PDE1C: variants seen among roughly 807,000 people sequenced by gnomAD.
PDE1C encodes the protein dual specificity calcium/calmodulin-dependent 3',5'-cyclic nucleotide phosphodiesterase 1C.
In PDE1C, 62 loss-of-function variants were observed where a neutral mutation model predicts 93.1. The ratio of observed to expected loss-of-function variants is 0.67; its 90% CI spans 0.54 to 0.82. PDE1C has a LOEUF of 0.82. Among genes scored for constraint, PDE1C ranks in the 40% least tolerant of loss-of-function variants. The probability of loss-of-function intolerance (pLI) is 0.00; values close to 1 mark genes in which losing one functional copy is unlikely to be tolerated. For missense variants in PDE1C, 742 were observed against 884.6 expected, an observed-to-expected ratio of 0.84 and a Z score of 2.04; for synonymous variants, 325 against 310.1, an observed-to-expected ratio of 1.05 and a Z score of -0.50.
intron 1 of PDE1C, among the ~76,000 whole-genome samples, chr7:32,225,266 C>T (rs775111485): frequency 2.0e-5 from 3 of 152,052 alleles, no homozygotes; most frequent in Non-Finnish European, 4.4e-5. Flanking sequence ...ATGGACGCAC[C>T]TGATTGGTTT....
At chr7:31,797,660 C>T (rs1584135865) in intron 16 of PDE1C, among the ~76,000 whole-genome samples, 1 of 151,814 alleles carries the variant, frequency 6.6e-6, no homozygotes, top group East Asian at 1.9e-4. Context: ...GCCTATTTTA[C>T]ACATCACATG....
intron 8 of PDE1C, 69 bp downstream of exon 8, chr7:31,850,572 C>A: frequency 9.7e-7 from 1 of 1,028,594 alleles, no homozygotes; most frequent in African/African-American, 1.6e-5. Flanking sequence ...GTGACTAACA[C>A]CTTTCTGATT....
intron 2 of PDE1C, among the ~76,000 whole-genome samples, chr7:31,916,413 C>A (rs1801920314): frequency 1.3e-5 from 2 of 152,028 alleles, no homozygotes; most frequent in Non-Finnish European, 2.9e-5. Context: ...AAAGTAAGAC[C>A]ACAGAAACCA....
chr7:31,658,163 A>C, the PDE1C span: 13 of 896,490 alleles, frequency 1.5e-5, no homozygotes, highest in Admixed American at 3.0e-5. Flanking sequence ...GTGTATGCAT[A>C]GGCCATGTAG....
intron 2 of PDE1C, among the ~76,000 whole-genome samples, chr7:31,948,383 T>C (rs1806909736): frequency 6.6e-6 from 1 of 152,204 alleles, no homozygotes; most frequent in African/African-American, 2.4e-5. Flanking sequence ...ATAGTTCAGC[T>C]TCCCTTTAAC....
chr7:31,880,821 A>C lies in PDE1C; in HGVS notation c.168T>G (p.Ala56=), dbSNP rs1299474132. 1 of 1,611,798 alleles carries C rather than the reference A, an allele frequency of 6.2e-7. No individual in the cohort carries two copies. The highest frequency in any genetic ancestry group is 1.3e-5 in the African/African-American group (1 of 75,036). The stretch of plus-strand genomic sequence containing the variant: ...AATTCTTCTTAAGATCTACCACTGA[A>C]GCTTCCCCTCTCTCTAATTGTTTGA... ...SLVKQLERGE[A]SVVDLKKNLE... Residue 56 remains alanine, a synonymous_variant, in exon 3 of 18, where the codon GCT becomes GCG. Coordinates refer to ENST00000396191, the MANE Select transcript of PDE1C (RefSeq NM_001191057.4).
chr7:31,918,780 A>G (rs1802250089), intron 2 of PDE1C, among the ~76,000 whole-genome samples: 1 of 152,114 alleles, frequency 6.6e-6, no homozygotes, highest in African/African-American at 2.4e-5. Flanking sequence ...CTGTCACATA[A>G]AACGGTTTCA....
chr7:32,101,928 A>C (rs1798060284), intron 3 of PDE1C, among the ~76,000 whole-genome samples: 1 of 152,112 alleles, frequency 6.6e-6, no homozygotes, highest in South Asian at 2.1e-4. Context: ...ATGGCAATAG[A>C]GTGAGTGAGG....
chr7:32,253,518 T>C (rs1456383525), intron 1 of PDE1C, among the ~76,000 whole-genome samples: 1 of 152,196 alleles, frequency 6.6e-6, no homozygotes, highest in Middle Eastern at 3.2e-3. Flanking sequence ...TAGCCTGTTC[T>C]TTTCACTGCT....
chr7:31,768,475 A>G (rs1467677512), intron 17 of PDE1C, among the ~76,000 whole-genome samples: 1 of 152,188 alleles, frequency 6.6e-6, no homozygotes, highest in African/African-American at 2.4e-5. Context: ...ATTTGGTGGG[A>G]ACACAAATAT....
intron 2 of PDE1C, among the ~76,000 whole-genome samples, chr7:32,170,287 G>A (rs548109149): frequency 6.6e-6 from 1 of 152,010 alleles, no homozygotes; most frequent in South Asian, 2.1e-4. Flanking sequence ...ACCATTTTAG[G>A]GAACTGTGAG....
At chr7:32,069,080 T>C (rs1029340971) in intron 1 of PDE1C, among the ~76,000 whole-genome samples, 6 of 152,186 alleles carry the variant, frequency 3.9e-5, no homozygotes, top group East Asian at 3.8e-4. Flanking sequence ...AATCAAATTA[T>C]TTGGCATGGT....
intron 3 of PDE1C, among the ~76,000 whole-genome samples, chr7:32,160,405 C>T (rs558456335): frequency 6.6e-6 from 1 of 152,328 alleles, no homozygotes; most frequent in East Asian, 1.9e-4. Context: ...GACAAAGTTG[C>T]AGCCCTGTTA....
At chr7:32,339,252 T>A (rs1783696376) in intron 1 of PDE1C, among the ~76,000 whole-genome samples, 1 of 152,138 alleles carries the variant, frequency 6.6e-6, no homozygotes, top group South Asian at 2.1e-4. Context: ...TTTAAAAAAA[T>A]TTAAAAGTCA....
chr7:32,329,050 G>T (rs888806254), intron 1 of PDE1C, among the ~76,000 whole-genome samples: 1 of 152,038 alleles, frequency 6.6e-6, no homozygotes, highest in Admixed American at 6.6e-5. Flanking sequence ...TGGGCAACAC[G>T]GCAAAACCTT....
chr7:31,868,700 T>C (rs996225513), intron 6 of PDE1C, among the ~76,000 whole-genome samples: 2 of 151,892 alleles, frequency 1.3e-5, no homozygotes, highest in African/African-American at 4.8e-5. Flanking sequence ...AGCTCAAAGA[T>C]TCCCAAACAG....
intron 2 of PDE1C, among the ~76,000 whole-genome samples, chr7:31,974,302 T>C (rs1811348501): frequency 6.6e-6 from 1 of 152,086 alleles, no homozygotes; most frequent in Admixed American, 6.6e-5. Flanking sequence ...AAAAGCAAAA[T>C]ACAAAAAAAT....
chr7:31,719,022 C>A, the PDE1C span, among the ~76,000 whole-genome samples: 1 of 152,162 alleles, frequency 6.6e-6, no homozygotes, highest in Non-Finnish European at 1.5e-5. Context: ...GGCTGAGAGA[C>A]AGCCAGGACG....
rs763035876 is a variant in PDE1C, at chr7:31,753,397, C to T, written c.2117G>A (p.Trp706Ter). The T allele has an allele frequency of 1.2e-6, 2 of 1,611,652 alleles. No homozygotes were observed. The highest frequency in any genetic ancestry group is 2.2e-5 in the South Asian group (2 of 90,860). ...MKKIQNISHN[W>*]NRK Reference sequence around the variant, plus strand: ...CTTCCCCTCGGCCTATTTTCTGTTCCAGTTATGTGAGATGTTCTGAATCTT... The same window carrying T: ...CTTCCCCTCGGCCTATTTTCTGTTCTAGTTATGTGAGATGTTCTGAATCTT... Residue 706 changes from tryptophan (W) to a stop codon, truncating the protein, a stop_gained, in exon 18 of 18, where the codon TGG becomes TAG. Transcript: ENST00000396191. LOFTEE classifies it high-confidence loss of function.
Sources: allele counts gnomAD v4.1 joint callset (sites outside exome capture counted in the v4.1 genomes callset), GRCh38; gene constraint gnomAD v4.1.1; transcripts MANE v1.5; gene names NCBI Gene and HGNC (gene_info 2026-07-23, HGNC 2026-07-21).